Variants in VPS13B observed in about 807,000 individuals in gnomAD.
VPS13B encodes the protein intermembrane lipid transfer protein VPS13B.
VPS13B carries 285 observed loss-of-function variants against 426.4 expected under a neutral mutation model. That is an observed-to-expected ratio of 0.67 (90% confidence interval 0.61 to 0.74). The LOEUF (loss-of-function observed/expected upper bound fraction) is 0.74. Ranked by LOEUF, VPS13B falls within the 30% of genes least tolerant of loss-of-function variation. The pLI is 0.00. For synonymous variants in VPS13B, 1,676 were observed against 1,676.4 expected, an observed-to-expected ratio of 1.00 and a Z score of 0.01; for missense variants, 4,537 against 4,782.6, an observed-to-expected ratio of 0.95 and a Z score of 1.51.
At position 99,551,168 on chromosome 8, in the gene VPS13B, TTA is replaced by T. The variant is rs1387266520; in HGVS notation, c.4746-5278_4746-5277del. On this transcript the variant is annotated intron_variant, in intron 30 of 61. Transcript: ENST00000357162. Reference sequence around the variant, plus strand: ...CCTTGTAGAGCTATCAGTTTTTCTTTTATATGTTTTGAGGCTGTTTTTACAAA... The same window carrying T: ...CCTTGTAGAGCTATCAGTTTTTCTTTTATGTTTTGAGGCTGTTTTTACAAA... Among the ~76,000 whole-genome samples the T allele has an allele frequency of 2.6e-5, 4 of 152,184 alleles. No individual in the cohort carries two copies. In the South Asian group the frequency reaches 6.2e-4, roughly 24 times the overall value.
intron 12 of VPS13B, among the ~76,000 whole-genome samples, chr8:99,140,771 T>A (rs73281686): frequency 0.014 from 2,056 of 151,714 alleles, 41 homozygotes; most frequent in African/African-American, 0.047. Flanking sequence ...AAAATTAACA[T>A]CTTTTGCCCA....
At chr8:99,085,417 G>T (rs1845722758) in intron 3 of VPS13B, among the ~76,000 whole-genome samples, 1 of 152,158 alleles carries the variant, frequency 6.6e-6, no homozygotes, top group African/African-American at 2.4e-5. Flanking sequence ...CGATTTGCCA[G>T]TCTGTGTCTT....
chr8:99,300,080 G>A (rs566006498), intron 19 of VPS13B, among the ~76,000 whole-genome samples: 3 of 152,272 alleles, frequency 2.0e-5, no homozygotes, highest in Admixed American at 2.0e-4. Context: ...CTTTGAGTCT[G>A]CCTCTCTCTA....
intron 33 of VPS13B, among the ~76,000 whole-genome samples, chr8:99,621,838 T>C (rs1413400091): frequency 1.4e-5 from 2 of 139,134 alleles, no homozygotes; most frequent in Non-Finnish European, 3.1e-5. Flanking sequence ...TTTTTTTTTT[T>C]TTTTTTGAGA....
chr8:99,092,715 T>A (rs1846213155), intron 3 of VPS13B, among the ~76,000 whole-genome samples: 3 of 152,198 alleles, frequency 2.0e-5, no homozygotes, highest in Non-Finnish European at 4.4e-5. Context: ...AGTATATACA[T>A]TGTCAAAGTT....
chr8:99,319,755 C>A (rs1329406809), intron 19 of VPS13B, among the ~76,000 whole-genome samples: 1 of 152,172 alleles, frequency 6.6e-6, no homozygotes, highest in African/African-American at 2.4e-5. Context: ...CTTCTACTTA[C>A]CGCCTTCTTA....
At chr8:99,062,573 ATTC>A (rs1362342754) in intron 3 of VPS13B, among the ~76,000 whole-genome samples, 3 of 152,250 alleles carry the variant, frequency 2.0e-5, no homozygotes, top group Admixed American at 2.0e-4. Context: ...GGTTCAAGCG[ATTC>A]TTCTGCCTCA....
chr8:99,773,046 C>T (rs1477428738), intron 40 of VPS13B, among the ~76,000 whole-genome samples: 22 of 152,018 alleles, frequency 1.4e-4, no homozygotes, highest in Admixed American at 6.6e-5. Context: ...TTGTCTTGCC[C>T]GCAAGAAAAA....
intron 54 of VPS13B, among the ~76,000 whole-genome samples, chr8:99,846,753 A>G (rs1407368698): frequency 6.6e-6 from 1 of 152,220 alleles, no homozygotes; most frequent in Non-Finnish European, 1.5e-5. Context: ...GGCATTTAAC[A>G]GAAACCATCA....
At chr8:99,471,734 A>C (rs753950294) in intron 24 of VPS13B, among the ~76,000 whole-genome samples, 7 of 152,152 alleles carry the variant, frequency 4.6e-5, no homozygotes, top group Non-Finnish European at 8.8e-5. Context: ...CCATAGGCCA[A>C]ATTTGCCCAC....
intron 22 of VPS13B, among the ~76,000 whole-genome samples, chr8:99,433,048 G>A (rs1011495418): frequency 6.6e-5 from 10 of 152,170 alleles, no homozygotes; most frequent in African/African-American, 1.7e-4. Flanking sequence ...ATGAACATAC[G>A]TGTCAATTAA....
intron 3 of VPS13B, among the ~76,000 whole-genome samples, chr8:99,065,303 G>T (rs2132312940): frequency 6.6e-6 from 1 of 152,250 alleles, no homozygotes; most frequent in East Asian, 1.9e-4. Context: ...ACATCAAAAA[G>T]CTTATCCACC....
intron 13 of VPS13B, among the ~76,000 whole-genome samples, chr8:99,145,421 A>T (rs953304807): frequency 6.6e-6 from 1 of 152,120 alleles, no homozygotes; most frequent in Admixed American, 6.6e-5. Flanking sequence ...AGGATCTGGC[A>T]TGTTGCTCTC....
At chr8:99,746,027 C>T (rs906305748) in intron 39 of VPS13B, among the ~76,000 whole-genome samples, 4 of 152,022 alleles carry the variant, frequency 2.6e-5, no homozygotes, top group African/African-American at 9.7e-5. Flanking sequence ...CTCTTTTAAT[C>T]AGTAAGAGTC....
chr8:99,146,048 T>C (rs1810710171), intron 13 of VPS13B, among the ~76,000 whole-genome samples: 2 of 152,206 alleles, frequency 1.3e-5, no homozygotes, highest in South Asian at 4.1e-4. Flanking sequence ...GGTTTTAAAG[T>C]TGTGTTTCCT....
chr8:99,469,967 G>T (rs1205538675), intron 24 of VPS13B, among the ~76,000 whole-genome samples: 1 of 152,174 alleles, frequency 6.6e-6, no homozygotes, highest in African/African-American at 2.4e-5. Context: ...CCCACCAGAA[G>T]AAGCTAGGCA....
chr8:99,832,451 G>A lies in VPS13B; in HGVS notation c.9413G>A (p.Cys3138Tyr), dbSNP rs759831421. The A allele has an allele frequency of 1.2e-6, 2 of 1,602,688 alleles. No individual in the cohort carries two copies. The highest frequency in any genetic ancestry group is 1.7e-6 in the Non-Finnish European group (2 of 1,177,452). ...GCTATGAAATCCAGCTCCCTTCCTT[G>A]CTGGGACTTGATGCCTGACATCAGT... ...QPAMKSSSLP[C>Y]WDLMPDISQS... The change falls in exon 52 of 62, where the codon TGC becomes TAC. Residue 3138 changes from cysteine to tyrosine, a missense_variant. Cys to Tyr is a radical substitution (Grantham distance 194). Coordinates refer to ENST00000357162, the MANE Select transcript of VPS13B (RefSeq NM_152564.5).
At chr8:99,521,134 C>T (rs1366988660) in intron 30 of VPS13B, 124 bp downstream of exon 30, 2 of 805,842 alleles carry the variant, frequency 2.5e-6, no homozygotes, top group Non-Finnish European at 4.0e-6. Context: ...TATTTAAAAC[C>T]AGGTTTTTCT....
Position 99,418,614 on chromosome 8 carries a change from T to C in VPS13B, c.3083-12923T>C, listed in dbSNP as rs559133908. Among the ~76,000 whole-genome samples the C allele has an allele frequency of 3.9e-4, 59 of 151,974 alleles. 2 individuals are homozygous for C. In the South Asian group the frequency reaches 6.7e-3, roughly 17 times the overall value. ...CCCAGGCTGGAGTGCATTGGTCCCA[T>C]CTCAGCTCACTGCAATCTCCACCTC... On this transcript the variant is annotated intron_variant, in intron 21 of 61. Transcript: ENST00000357162.
Sources: allele counts gnomAD v4.1 joint callset (sites outside exome capture counted in the v4.1 genomes callset), GRCh38; gene constraint gnomAD v4.1.1; transcripts MANE v1.5; gene names NCBI Gene and HGNC (gene_info 2026-07-23, HGNC 2026-07-21).